The following ANO3 variants were observed in gnomAD, a reference collection of about 807,000 sequenced individuals.
ANO3 encodes the protein anoctamin-3.
ANO3 carries 99 observed loss-of-function variants against 144.8 expected under a neutral mutation model. The observed-to-expected ratio is 0.68, with a 90% confidence interval of 0.58 to 0.81. The LOEUF (loss-of-function observed/expected upper bound fraction) is 0.81. Among genes scored for constraint, ANO3 ranks in the 30% least tolerant of loss-of-function variants. ANO3 has a pLI of 0.00. For synonymous variants in ANO3, 414 were observed against 392.6 expected, an observed-to-expected ratio of 1.05 and a Z score of -0.64; for missense variants, 905 against 1,202.2, an observed-to-expected ratio of 0.75 and a Z score of 3.66.
At chr11:26,410,815 A>G (rs1408118156) in intron 1 of ANO3, among the ~76,000 whole-genome samples, 1 of 152,012 alleles carries the variant, frequency 6.6e-6, no homozygotes, top group Admixed American at 6.6e-5. Context: ...ATTTTGAAGC[A>G]GAGGAATGAC....
intron 6 of ANO3, among the ~76,000 whole-genome samples, chr11:26,522,924 AAACAAT>A (rs1280683342): frequency 2.0e-5 from 3 of 152,204 alleles, no homozygotes; most frequent in African/African-American, 7.2e-5. Context: ...TTCTCAAAAT[AAACAAT>A]AAGTAGCCCT....
At position 26,531,048 on chromosome 11, in the gene ANO3, G is replaced by A. The variant is rs1400416857; in HGVS notation, c.738-157G>A. Among the ~76,000 whole-genome samples the A allele has an allele frequency of 3.3e-5, 5 of 152,140 alleles. No individual in the cohort carries two copies. The East Asian group carries it at 9.6e-4, about 29-fold the overall frequency. On this transcript the variant is annotated intron_variant, in intron 7 of 26. Transcript: ENST00000256737. ...TTGTTTTGCTATTTTCTTCTTTTGT[G>A]TGGGAACAGAAGCAATGCACGTGTA...
At chr11:26,332,422 G>A (rs1855076195) in intron 1 of ANO3, 101 bp downstream of exon 1, 14 of 1,111,044 alleles carry the variant, frequency 1.3e-5, no homozygotes, top group Non-Finnish European at 1.8e-5. Flanking sequence ...ATGCGACACA[G>A]AGGTGGGGAA....
At chr11:26,547,650 T>C in intron 12 of ANO3, 100 bp downstream of exon 12, 1 of 1,108,384 alleles carries the variant, frequency 9.0e-7, no homozygotes, top group South Asian at 1.6e-5. Context: ...TGGTTGATGA[T>C]ACTACAATTT....
At position 26,472,373 on chromosome 11, in the gene ANO3, T is replaced by C. The variant is rs571484361; in HGVS notation, c.432+9225T>C. ...CAGGGATTTTAATGACTTCTACTTT[T>C]CTATCATCACAACTCTAAAATGTAA... On this transcript the variant is annotated intron_variant, in intron 4 of 26. Transcript: ENST00000256737. Among the ~76,000 whole-genome samples the C allele has an allele frequency of 1.2e-3, 177 of 152,094 alleles. 3 individuals are homozygous for C. Among genetic ancestry groups the C allele is most frequent in the Non-Finnish European group, 2.9e-4 (20 of 67,942 alleles).
At chr11:26,208,819 G>C (rs73439615) in intron 1 of ANO3, among the ~76,000 whole-genome samples, 1 of 152,004 alleles carries the variant, frequency 6.6e-6, no homozygotes, top group South Asian at 2.1e-4. Flanking sequence ...TTAAAGTTTT[G>C]TACTAACATT....
chr11:26,607,094 G>T (rs1413219272), intron 17 of ANO3, among the ~76,000 whole-genome samples: 1 of 152,062 alleles, frequency 6.6e-6, no homozygotes, highest in Non-Finnish European at 1.5e-5. Flanking sequence ...AATTCTTTAA[G>T]AATGTCAAAT....
chr11:26,260,912 G>T (rs1853173909), intron 1 of ANO3, among the ~76,000 whole-genome samples: 1 of 152,138 alleles, frequency 6.6e-6, no homozygotes, highest in Admixed American at 6.5e-5. Context: ...TCTTTAAAAT[G>T]ACCCAAGAGA....
chr11:26,402,716 A>T (rs902158056), intron 1 of ANO3, among the ~76,000 whole-genome samples: 2 of 151,918 alleles, frequency 1.3e-5, no homozygotes, highest in African/African-American at 4.8e-5. Flanking sequence ...TGGAGGGTGG[A>T]GGTTGAAAGG....
At chr11:26,548,885 A>G (rs1849856565) in intron 12 of ANO3, among the ~76,000 whole-genome samples, 1 of 151,440 alleles carries the variant, frequency 6.6e-6, no homozygotes, top group African/African-American at 2.4e-5. Context: ...ATTTCCCCGT[A>G]TTCTGTTGTA....
chr11:26,570,577 G>A (rs189186879), intron 14 of ANO3, among the ~76,000 whole-genome samples: 209 of 152,162 alleles, frequency 1.4e-3, no homozygotes, highest in Non-Finnish European at 2.4e-3. Flanking sequence ...ATCAGTTCAG[G>A]TATACTGCAG....
intron 4 of ANO3, among the ~76,000 whole-genome samples, chr11:26,466,294 C>A (rs1859599025): frequency 6.6e-6 from 1 of 151,952 alleles, no homozygotes; most frequent in South Asian, 2.1e-4. Flanking sequence ...TCAAGCTTTA[C>A]AATAGGAGTT....
chr11:26,327,672 A>C (rs529155860), upstream of ANO3, among the ~76,000 whole-genome samples: 1 of 152,242 alleles, frequency 6.6e-6, no homozygotes, highest in South Asian at 2.1e-4. Context: ...TTTTTGTTTA[A>C]ATAAATTAAA....
At chr11:26,355,840 G>A (rs905166559) in intron 1 of ANO3, among the ~76,000 whole-genome samples, 9 of 152,210 alleles carry the variant, frequency 5.9e-5, no homozygotes, top group Non-Finnish European at 1.0e-4. Context: ...GATTACAGGC[G>A]TGAGCCACCG....
intron 1 of ANO3, among the ~76,000 whole-genome samples, chr11:26,283,317 A>AT (rs1853720327): frequency 2.6e-5 from 2 of 77,588 alleles, no homozygotes; most frequent in East Asian, 4.2e-4. Context: ...TAAACAAATA[A>AT]ATAAATATAT....
chr11:26,638,306 C>T (rs1853031858), intron 20 of ANO3, among the ~76,000 whole-genome samples: 1 of 152,178 alleles, frequency 6.6e-6, no homozygotes, highest in Admixed American at 6.5e-5. Flanking sequence ...TCATGTGCTT[C>T]TCATATATCC....
chr11:26,239,638 T>A (rs186138270), intron 1 of ANO3, among the ~76,000 whole-genome samples: 167 of 152,338 alleles, frequency 1.1e-3, no homozygotes, highest in African/African-American at 3.9e-3. Context: ...GGAAATTTTT[T>A]ATTTTGCTTC....
chr11:26,572,959 A>G (rs1850884377), intron 14 of ANO3, among the ~76,000 whole-genome samples: 1 of 152,146 alleles, frequency 6.6e-6, no homozygotes, highest in Non-Finnish European at 1.5e-5. Flanking sequence ...GTAATGCTTG[A>G]TTAAATACTA....
intron 17 of ANO3, among the ~76,000 whole-genome samples, chr11:26,604,088 C>T (rs1178232205): frequency 6.6e-6 from 1 of 152,114 alleles, no homozygotes; most frequent in African/African-American, 2.4e-5. Context: ...ATTGATCAAC[C>T]TCTCTCAATC....
Sources: allele counts gnomAD v4.1 joint callset (sites outside exome capture counted in the v4.1 genomes callset), GRCh38; gene constraint gnomAD v4.1.1; transcripts MANE v1.5; gene names NCBI Gene and HGNC (gene_info 2026-07-23, HGNC 2026-07-21).